TASP1: variants seen among roughly 807,000 people sequenced by gnomAD.
The protein encoded by TASP1 is taspase 1, also known as threonine aspartase 1.
A neutral mutation model predicts 56.6 loss-of-function variants in TASP1; 16 were observed. That is an observed-to-expected ratio of 0.28 (90% confidence interval 0.19 to 0.43). The LOEUF (loss-of-function observed/expected upper bound fraction) is 0.43, where lower values mean the gene tolerates loss of function less well. TASP1 is among the 20% of genes least tolerant of loss of function. The pLI, the probability that TASP1 is intolerant of heterozygous loss-of-function variation, is 1.00. For synonymous variants in TASP1, 179 were observed against 184.2 expected, an observed-to-expected ratio of 0.97 and a Z score of 0.23; for missense variants, 393 against 511.6, an observed-to-expected ratio of 0.77 and a Z score of 2.24.
chr20:13,627,860 C>T (rs1170852206), intron 2 of TASP1, among the ~76,000 whole-genome samples: 1 of 151,884 alleles, frequency 6.6e-6, no homozygotes, highest in Non-Finnish European at 1.5e-5. Flanking sequence ...TTAGGAAGAC[C>T]AAACAACACC....
chr20:13,405,611 A>C (rs1027826963), intron 13 of TASP1, among the ~76,000 whole-genome samples: 1 of 152,010 alleles, frequency 6.6e-6, no homozygotes. Flanking sequence ...CAGTGGCGTG[A>C]TCTCGGCTCA....
intron 5 of TASP1, among the ~76,000 whole-genome samples, chr20:13,583,940 G>A (rs372607472): frequency 4.6e-5 from 7 of 152,208 alleles, no homozygotes; most frequent in African/African-American, 1.2e-4. Flanking sequence ...TTAGCCAGGC[G>A]TGGTGGCACA....
chr20:13,117,022 GT>G, the TASP1 span, among the ~76,000 whole-genome samples: 3 of 152,168 alleles, frequency 2.0e-5, no homozygotes, highest in South Asian at 2.1e-4. Flanking sequence ...ACACTATGAT[GT>G]CTTAAATAAA....
chr20:13,421,135 CAG>C (rs2042419918), intron 12 of TASP1, among the ~76,000 whole-genome samples: 1 of 112,904 alleles, frequency 8.9e-6, no homozygotes, highest in South Asian at 2.8e-4. Context: ...TTTTTTAAGA[CAG>C]AGTTTTACTC....
At chr20:13,157,378 A>C in the TASP1 span, among the ~76,000 whole-genome samples, 23 of 152,212 alleles carry the variant, frequency 1.5e-4, no homozygotes, top group African/African-American at 5.3e-4. Flanking sequence ...TGGAGGTTGC[A>C]GTGAGCCAAG....
the TASP1 span, among the ~76,000 whole-genome samples, chr20:13,297,029 A>AC: frequency 7.5e-5 from 11 of 147,558 alleles, no homozygotes. Context: ...TCACTGCCTC[A>AC]CCCCCCGCCA....
At chr20:13,567,832 C>A (rs1289372634) in intron 7 of TASP1, among the ~76,000 whole-genome samples, 1 of 151,990 alleles carries the variant, frequency 6.6e-6, no homozygotes, top group African/African-American at 2.4e-5. Flanking sequence ...TGGAGAGAGG[C>A]GAAGGAGATC....
intron 10 of TASP1, among the ~76,000 whole-genome samples, chr20:13,510,445 G>T (rs1165821047): frequency 6.6e-6 from 1 of 152,064 alleles, no homozygotes; most frequent in Non-Finnish European, 1.5e-5. Context: ...CTTTGTGGTG[G>T]CATTTTTTTA....
At chr20:13,553,704 C>T (rs2046058228) in intron 8 of TASP1, among the ~76,000 whole-genome samples, 1 of 152,200 alleles carries the variant, frequency 6.6e-6, no homozygotes, top group Non-Finnish European at 1.5e-5. Flanking sequence ...TATGTATAGA[C>T]TAGCTATTTA....
At chr20:13,244,637 T>G in the TASP1 span, among the ~76,000 whole-genome samples, 1 of 152,222 alleles carries the variant, frequency 6.6e-6, no homozygotes, top group South Asian at 2.1e-4. Flanking sequence ...ACTATATACT[T>G]CCATAATTTA....
intron 10 of TASP1, among the ~76,000 whole-genome samples, chr20:13,521,887 G>T (rs1286350125): frequency 1.3e-5 from 2 of 152,104 alleles, no homozygotes; most frequent in Non-Finnish European, 2.9e-5. Flanking sequence ...AATAAAACAT[G>T]AAAGGGAGAC....
chr20:13,164,508 C>T, the TASP1 span: 4 of 545,164 alleles, frequency 7.3e-6, no homozygotes, highest in Admixed American at 3.0e-5. Flanking sequence ...TCTTCACACT[C>T]TCAAAATAAA....
At chr20:13,538,211 C>T (rs2045488283) in intron 8 of TASP1, among the ~76,000 whole-genome samples, 1 of 152,062 alleles carries the variant, frequency 6.6e-6, no homozygotes, top group Non-Finnish European at 1.5e-5. Context: ...ACTATGTTAG[C>T]CAGGCTGGTC....
At chr20:13,628,534 ATTTGTTTAGATACT>A (rs2048978019) in intron 2 of TASP1, among the ~76,000 whole-genome samples, 1 of 152,004 alleles carries the variant, frequency 6.6e-6, no homozygotes, top group African/African-American at 2.4e-5. Context: ...GGTTTTTTGG[ATTTGTTTAGATACT>A]CTGGATTAGA....
In TASP1 at chr20:13,517,956, T is replaced by C. The variant is rs542264292; in HGVS notation, c.874+10477A>G. Among the ~76,000 whole-genome samples, 4 of 152,260 alleles carry C rather than the reference T, an allele frequency of 2.6e-5. No individual in the cohort carries two copies. The South Asian group carries it at 6.2e-4, about 24-fold the overall frequency. On this transcript the variant is annotated intron_variant, in intron 10 of 13. Transcript: ENST00000337743. ...ATACTCTGTTATCTGTAAATGAATA[T>C]TATTTTTCCCACCCCCAACAACCAA...
At chr20:13,465,400 G>A (rs913773125) in intron 11 of TASP1, among the ~76,000 whole-genome samples, 10 of 151,986 alleles carry the variant, frequency 6.6e-5, no homozygotes, top group South Asian at 6.2e-4. Flanking sequence ...ATATGACTCC[G>A]GAAAACAACT....
chr20:13,393,280 TC>T, intron 13 of TASP1: 1 of 749,368 alleles, frequency 1.3e-6, no homozygotes, highest in Non-Finnish European at 2.5e-6. Context: ...TGTGTGGCTC[TC>T]CAGAACATCA....
the TASP1 span, among the ~76,000 whole-genome samples, chr20:13,131,255 C>T: frequency 6.6e-6 from 1 of 152,086 alleles, no homozygotes; most frequent in African/African-American, 2.4e-5. Flanking sequence ...ACCTTCTTTC[C>T]CCAACTCTGG....
chr20:13,478,346 TACACACACACACACAC>T (rs35289716), intron 11 of TASP1, among the ~76,000 whole-genome samples: 2 of 140,194 alleles, frequency 1.4e-5, no homozygotes, highest in Non-Finnish European at 3.1e-5. Flanking sequence ...GAAAATATGA[TACACACACACACACAC>T]ACACACACAC....
Sources: allele counts gnomAD v4.1 joint callset (sites outside exome capture counted in the v4.1 genomes callset), GRCh38; gene constraint gnomAD v4.1.1; transcripts MANE v1.5; gene names NCBI Gene and HGNC (gene_info 2026-07-23, HGNC 2026-07-21).